EPHA6: variants seen among roughly 807,000 people sequenced by gnomAD.
EPHA6 encodes ephrin type-A receptor 6.
In EPHA6, 50 loss-of-function variants were observed where a neutral mutation model predicts 112.0. The ratio of observed to expected loss-of-function variants is 0.45; its 90% CI spans 0.36 to 0.56. EPHA6 has a LOEUF of 0.56. EPHA6 is among the 20% of genes least tolerant of loss of function. The pLI is 0.00. For synonymous variants in EPHA6, 529 were observed against 490.7 expected (o/e 1.08, Z -1.03); for missense variants, 1,280 against 1,417.4 (o/e 0.90, Z 1.56).
intron 11 of EPHA6, among the ~76,000 whole-genome samples, chr3:97,581,210 C>T (rs2093434569): frequency 6.6e-6 from 1 of 152,190 alleles, no homozygotes; most frequent in Admixed American, 6.5e-5. Context: ...TTGTATTATT[C>T]AGTGTTCACC....
intron 13 of EPHA6, among the ~76,000 whole-genome samples, chr3:97,626,366 G>A (rs753383535): frequency 1.7e-4 from 26 of 151,794 alleles, no homozygotes; most frequent in Non-Finnish European, 2.4e-4. Flanking sequence ...TGTTATGGCA[G>A]TGATGTGCAT....
chr3:96,879,095 G>A (rs1000774756), intron 2 of EPHA6, among the ~76,000 whole-genome samples: 2 of 152,002 alleles, frequency 1.3e-5, no homozygotes, highest in African/African-American at 2.4e-5. Context: ...TTAAGACTTT[G>A]TAGGATTATG....
chr3:97,314,752 A>G (rs778784292), intron 5 of EPHA6, among the ~76,000 whole-genome samples: 1 of 151,484 alleles, frequency 6.6e-6, no homozygotes, highest in Non-Finnish European at 1.5e-5. Flanking sequence ...GAAGGAAGAT[A>G]GAAGTTAAGT....
intron 3 of EPHA6, among the ~76,000 whole-genome samples, chr3:97,193,902 G>GTTT (rs1375325122): frequency 6.6e-6 from 1 of 151,936 alleles, no homozygotes; most frequent in Non-Finnish European, 1.5e-5. Context: ...AAATGATCAC[G>GTTT]TTTTTTGTCT....
intron 5 of EPHA6, among the ~76,000 whole-genome samples, chr3:97,269,689 G>A (rs2079817792): frequency 6.6e-6 from 1 of 152,088 alleles, no homozygotes; most frequent in African/African-American, 2.4e-5. Flanking sequence ...GAATTTTTTT[G>A]TTTCCCAGAT....
Position 97,226,391 on chromosome 3 carries a change from A to G in EPHA6, c.1242A>G (p.Glu414=), listed in dbSNP as rs369809638. 22 of 1,613,432 alleles carry G rather than the reference A, an allele frequency of 1.4e-5. No homozygotes were observed. Among genetic ancestry groups the G allele is most frequent in the African/African-American group, 2.7e-5 (2 of 74,912 alleles). The change falls in exon 4 of 18, where the codon GAA becomes GAG. Residue 414 remains glutamate (E), a synonymous_variant. Coordinates refer to ENST00000389672, the MANE Select transcript of EPHA6 (RefSeq NM_001080448.3). ...CQCEKGYFRA[E]KDPPSMACTR... The stretch of plus-strand genomic sequence containing the variant: ...GTGAAAAGGGTTATTTCCGAGCTGA[A>G]AAAGACCCACCTTCTATGGCATGTA...
intron 7 of EPHA6, among the ~76,000 whole-genome samples, chr3:97,463,103 T>A (rs897002806): frequency 3.9e-5 from 6 of 152,156 alleles, no homozygotes; most frequent in African/African-American, 1.4e-4. Context: ...GATGAATTTT[T>A]AAAAATTATT....
At chr3:97,303,797 A>C (rs2081196012) in intron 5 of EPHA6, among the ~76,000 whole-genome samples, 1 of 152,022 alleles carries the variant, frequency 6.6e-6, no homozygotes, top group Non-Finnish European at 1.5e-5. Context: ...CCCAGACAAA[A>C]TTACAAATAA....
At chr3:97,411,717 A>C (rs1371675907) in intron 6 of EPHA6, among the ~76,000 whole-genome samples, 3 of 152,078 alleles carry the variant, frequency 2.0e-5, no homozygotes, top group Non-Finnish European at 4.4e-5. Flanking sequence ...ACAAGCCTAC[A>C]AATTTACTTA....
At chr3:97,306,288 G>C (rs552582903) in intron 5 of EPHA6, among the ~76,000 whole-genome samples, 4 of 146,350 alleles carry the variant, frequency 2.7e-5, no homozygotes, top group African/African-American at 1.1e-4. Flanking sequence ...CTATGTCAGG[G>C]CCCTCTTTTT....
At chr3:97,366,167 A>G (rs2084714048) in intron 5 of EPHA6, among the ~76,000 whole-genome samples, 1 of 152,190 alleles carries the variant, frequency 6.6e-6, no homozygotes, top group Non-Finnish European at 1.5e-5. Flanking sequence ...AAACCTACAC[A>G]TTGTGATTTA....
rs112245266 is a variant in EPHA6 at position 97,000,131 on chromosome 3, T to C, written c.1114+12138T>C. 5.0e-3 allele frequency among the ~76,000 whole-genome samples: 762 copies of C among 151,858 alleles called. 6 individuals are homozygous for C. The highest frequency in any genetic ancestry group is 0.017 in the African/African-American group (692 of 41,494). On this transcript the variant is annotated intron_variant, in intron 3 of 17. Coordinates refer to ENST00000389672, the MANE Select transcript of EPHA6 (RefSeq NM_001080448.3). Reference sequence around the variant, plus strand: ...AAAAGTTATACCAAGGCTATTACTGTTGTGTAATATAGATTTTCATCTATC... The same window carrying C: ...AAAAGTTATACCAAGGCTATTACTGCTGTGTAATATAGATTTTCATCTATC...
At chr3:96,913,297 A>G (rs2039324373) in intron 2 of EPHA6, among the ~76,000 whole-genome samples, 1 of 151,582 alleles carries the variant, frequency 6.6e-6, no homozygotes. Flanking sequence ...TCGAGCTTGG[A>G]AGGTGAAGAA....
At position 97,592,643 on chromosome 3, in the gene EPHA6, T is replaced by C. The variant is rs1445858581; in HGVS notation, c.2418T>C (p.Phe806=). The change falls in exon 12 of 18, where the codon TTT becomes TTC. Residue 806 remains phenylalanine, a synonymous_variant. Transcript: ENST00000389672. ...TCCCGGCCATTGGGGTGGAGGCGTTTTGCCCCAGCTTCCTGAGGGCAGGGT... is the reference window on the plus strand; with the variant it reads ...TCCCGGCCATTGGGGTGGAGGCGTTCTGCCCCAGCTTCCTGAGGGCAGGGT... The part of the protein sequence containing the change: ...RSFPAIGVEA[F]CPSFLRAGFL... 6.2e-7 allele frequency: 1 copy of C among 1,613,544 alleles called. No homozygotes were observed. Among genetic ancestry groups the C allele is most frequent in the Non-Finnish European group, 8.5e-7 (1 of 1,179,756 alleles).
At chr3:97,702,032 A>G (rs2033423353) in intron 14 of EPHA6, among the ~76,000 whole-genome samples, 1 of 152,174 alleles carries the variant, frequency 6.6e-6, no homozygotes, top group Non-Finnish European at 1.5e-5. Flanking sequence ...TAAATATAAA[A>G]ACAGATCTGA....
At chr3:97,166,186 G>C (rs578247971) in intron 3 of EPHA6, among the ~76,000 whole-genome samples, 1 of 151,984 alleles carries the variant, frequency 6.6e-6, no homozygotes, top group Non-Finnish European at 1.5e-5. Flanking sequence ...AAATATGTAA[G>C]TGCTGCTATG....
chr3:97,227,295 A>AC, intron 4 of EPHA6, among the ~76,000 whole-genome samples: 2 of 150,890 alleles, frequency 1.3e-5, no homozygotes, highest in Non-Finnish European at 1.5e-5. Flanking sequence ...ATCCCGGCTC[A>AC]CTGCAGCCTC....
chr3:97,637,958 G>A lies in EPHA6; in HGVS notation c.2660G>A (p.Gly887Asp), dbSNP rs1417211749. The A allele has an allele frequency of 6.2e-7, 1 of 1,613,770 alleles. No homozygotes were observed. Among genetic ancestry groups the A allele is most frequent in the East Asian group, 2.2e-5 (1 of 44,878 alleles). Residue 887 changes from glycine to aspartate, a missense_variant, in exon 14 of 18, where the codon GGT becomes GAT. Physicochemically the swap from Gly to Asp is moderately conservative, Grantham distance 94. This residue lies in a region of EPHA6 where 878 missense variants were observed against 999.7 expected (regional missense o/e 0.88). Coordinates refer to ENST00000389672, the MANE Select transcript of EPHA6 (RefSeq NM_001080448.3). ...GGCATGAAGTATCTTTCTGATATGG[G>A]TTATGTTCATCGAGACCTAGCGGCT... is the stretch of plus-strand genomic sequence containing the variant. Reference protein sequence around the residue: ...ASGMKYLSDMGYVHRDLAARN... With the variant: ...ASGMKYLSDMDYVHRDLAARN...
intron 2 of EPHA6, among the ~76,000 whole-genome samples, chr3:96,929,058 G>A (rs186673254): frequency 6.6e-6 from 1 of 152,222 alleles, no homozygotes; most frequent in East Asian, 1.9e-4. Flanking sequence ...AATGGGTCTT[G>A]GCTTTTTATC....
Sources: allele counts gnomAD v4.1 joint callset (sites outside exome capture counted in the v4.1 genomes callset), GRCh38; gene constraint gnomAD v4.1.1; regional missense constraint gnomAD v4.1.1; transcripts MANE v1.5; gene names NCBI Gene and HGNC (gene_info 2026-07-23, HGNC 2026-07-21).